SGCD: variants seen among roughly 807,000 people sequenced by gnomAD.
SGCD encodes the protein delta-sarcoglycan.
Under a neutral mutation model 36.6 loss-of-function variants are expected in SGCD, and 18 were observed. The observed-to-expected ratio is 0.49, with a 90% confidence interval of 0.34 to 0.73. SGCD has a LOEUF of 0.73. Among genes scored for constraint, SGCD ranks in the 30% least tolerant of loss-of-function variants. The pLI, the probability that SGCD is intolerant of heterozygous loss-of-function variation, is 0.01. For missense variants in SGCD, 387 were observed against 346.7 expected (o/e 1.12, Z -0.92); for synonymous variants, 133 against 130.6 (o/e 1.02, Z -0.12).
At chr5:155,796,859 A>C in the SGCD span, among the ~76,000 whole-genome samples, 1 of 151,328 alleles carries the variant, frequency 6.6e-6, no homozygotes, top group Non-Finnish European at 1.5e-5. Flanking sequence ...CCATCTCAAG[A>C]AACTAGAAAA....
intron 7 of SGCD, among the ~76,000 whole-genome samples, chr5:156,673,337 C>T (rs189409204): frequency 6.6e-6 from 1 of 152,166 alleles, no homozygotes; most frequent in Non-Finnish European, 1.5e-5. Context: ...TAAAACTTCA[C>T]ATTCCTTTTT....
the SGCD span, among the ~76,000 whole-genome samples, chr5:155,842,517 G>A: frequency 2.0e-5 from 3 of 151,944 alleles, no homozygotes; most frequent in Admixed American, 6.6e-5. Context: ...AGGTTGCAGT[G>A]AGCTGAGATC....
At chr5:155,792,239 A>G in the SGCD span, among the ~76,000 whole-genome samples, 1 of 152,134 alleles carries the variant, frequency 6.6e-6, no homozygotes, top group East Asian at 1.9e-4. Context: ...CTTTCACCAT[A>G]TATAAAAATT....
chr5:155,812,582 A>G, the SGCD span, among the ~76,000 whole-genome samples: 1 of 152,212 alleles, frequency 6.6e-6, no homozygotes, highest in African/African-American at 2.4e-5. Flanking sequence ...TCAGCATGTC[A>G]ATAGGGAAAC....
At chr5:155,980,295 G>A (rs1046132673) in intron 1 of SGCD, among the ~76,000 whole-genome samples, 18 of 152,074 alleles carry the variant, frequency 1.2e-4, no homozygotes, top group Admixed American at 3.3e-4. Flanking sequence ...CTAGTAAAGA[G>A]TTCTTATTGG....
chr5:156,490,359 G>A (rs1383365290), intron 3 of SGCD, among the ~76,000 whole-genome samples: 1 of 151,824 alleles, frequency 6.6e-6, no homozygotes, highest in East Asian at 1.9e-4. Context: ...ATTTTATGAG[G>A]GCAGCATTAC....
At chr5:156,628,784 G>A (rs1486265469) in intron 6 of SGCD, among the ~76,000 whole-genome samples, 3 of 152,196 alleles carry the variant, frequency 2.0e-5, no homozygotes, top group Non-Finnish European at 4.4e-5. Flanking sequence ...GGAAGTGGGA[G>A]GGGATGGGTG....
chr5:156,671,337 A>G (rs1184382138), intron 7 of SGCD, among the ~76,000 whole-genome samples: 1 of 147,716 alleles, frequency 6.8e-6, no homozygotes, highest in Non-Finnish European at 1.5e-5. Flanking sequence ...CAGTGGCTCA[A>G]TTTTGGCTCA....
At chr5:156,634,050 TA>T (rs1762734126) in intron 6 of SGCD, among the ~76,000 whole-genome samples, 1 of 152,192 alleles carries the variant, frequency 6.6e-6, no homozygotes, top group Non-Finnish European at 1.5e-5. Context: ...TAAATTTTTC[TA>T]AGTGTTCTGA....
At chr5:155,836,610 C>T in the SGCD span, among the ~76,000 whole-genome samples, 3 of 152,158 alleles carry the variant, frequency 2.0e-5, no homozygotes, top group Non-Finnish European at 2.9e-5. Flanking sequence ...AAGCCCTGTA[C>T]TGATCTGAGA....
At chr5:156,386,173 G>A (rs1771267400) in intron 3 of SGCD, among the ~76,000 whole-genome samples, 1 of 152,166 alleles carries the variant, frequency 6.6e-6, no homozygotes, top group Admixed American at 6.5e-5. Context: ...AAGTCCCTGT[G>A]CTGAATCAGA....
intron 1 of SGCD, among the ~76,000 whole-genome samples, chr5:155,969,226 C>T (rs1305443517): frequency 3.3e-5 from 5 of 152,034 alleles, no homozygotes; most frequent in Non-Finnish European, 7.4e-5. Context: ...TGGTCATACT[C>T]ATGAAAGATT....
the SGCD span, among the ~76,000 whole-genome samples, chr5:155,784,480 G>T: frequency 1.3e-5 from 2 of 152,086 alleles, no homozygotes; most frequent in Non-Finnish European, 2.9e-5. Context: ...TTAAGCAGGG[G>T]AGAGTTACAG....
chr5:155,863,540 C>G, the SGCD span, among the ~76,000 whole-genome samples: 1 of 150,910 alleles, frequency 6.6e-6, no homozygotes, highest in Non-Finnish European at 1.5e-5. Context: ...GCTTTCCCTG[C>G]TGGGATGGCC....
At chr5:156,738,955 G>C (rs186954892) in intron 7 of SGCD, among the ~76,000 whole-genome samples, 1 of 152,312 alleles carries the variant, frequency 6.6e-6, no homozygotes, top group Non-Finnish European at 1.5e-5. Context: ...TGAAGCTCAA[G>C]CTTTAAAGAA....
chr5:156,425,826 T>C lies in SGCD; in HGVS notation c.192+81149T>C, dbSNP rs181526219. Among the ~76,000 whole-genome samples the C allele has an allele frequency of 1.8e-3, 279 of 152,220 alleles. 4 individuals carry two copies. The highest frequency in any genetic ancestry group is 2.6e-4 in the Non-Finnish European group (18 of 67,992). On this transcript the variant is annotated intron_variant, in intron 3 of 8. Transcript: ENST00000337851. ...ACATAGGATATTTGCTTTTCTATTA[T>C]TGAATTACTTCAGTTAGAATAATGG...
At chr5:156,133,452 A>G (rs1762375457) in intron 3 of SGCD, among the ~76,000 whole-genome samples, 1 of 152,146 alleles carries the variant, frequency 6.6e-6, no homozygotes, top group Non-Finnish European at 1.5e-5. Flanking sequence ...GTTCTTACAA[A>G]GTTATTCTCA....
intron 3 of SGCD, among the ~76,000 whole-genome samples, chr5:156,274,810 G>A (rs778526757): frequency 6.6e-5 from 10 of 152,118 alleles, no homozygotes; most frequent in East Asian, 3.9e-4. Flanking sequence ...TGCTGGTCAC[G>A]AAATCTCTTG....
At chr5:156,005,413 G>C (rs1758736657) in intron 1 of SGCD, among the ~76,000 whole-genome samples, 1 of 151,204 alleles carries the variant, frequency 6.6e-6, no homozygotes, top group African/African-American at 2.5e-5. Context: ...TCGCTTTCAA[G>C]AGTAGTCTTC....
Sources: allele counts gnomAD v4.1 joint callset (sites outside exome capture counted in the v4.1 genomes callset), GRCh38; gene constraint gnomAD v4.1.1; transcripts MANE v1.5; gene names NCBI Gene and HGNC (gene_info 2026-07-23, HGNC 2026-07-21).